Variants in TSPAN2 observed in about 807,000 individuals in gnomAD.
TSPAN2 encodes the protein tetraspanin-2.
A neutral mutation model predicts 33.3 loss-of-function variants in TSPAN2; 24 were observed. The observed-to-expected ratio is 0.72, with a 90% CI of 0.52 to 1.01. The LOEUF (loss-of-function observed/expected upper bound fraction) is 1.01. Among genes scored for constraint, TSPAN2 ranks in the 50% least tolerant of loss-of-function variants. TSPAN2 has a pLI of 0.00. For synonymous variants in TSPAN2, 114 were observed against 104.5 expected (o/e 1.09, Z -0.56); for missense variants, 278 against 281.3 (o/e 0.99, Z 0.08).
chr1:115,074,284 C>T (rs538930942), intron 1 of TSPAN2, among the ~76,000 whole-genome samples: 5 of 152,252 alleles, frequency 3.3e-5, no homozygotes, highest in Admixed American at 1.3e-4. Flanking sequence ...ATAAAGGACC[C>T]GGAACTAGCC....
intron 7 of TSPAN2, 30 bp downstream of exon 7, chr1:115,053,349 C>T (rs376657025): frequency 4.4e-5 from 71 of 1,597,678 alleles, no homozygotes; most frequent in Non-Finnish European, 5.3e-5. Flanking sequence ...TTTTAGAGGG[C>T]AAAAAGGGTA....
At chr1:115,089,273 C>G in intron 1 of TSPAN2, 91 bp downstream of exon 1, 1 of 1,206,454 alleles carries the variant, frequency 8.3e-7, no homozygotes, top group South Asian at 1.5e-5. Flanking sequence ...GAGCGCGACT[C>G]GGACGCCGCA....
chr1:115,067,838 C>T (rs777219204), intron 2 of TSPAN2, among the ~76,000 whole-genome samples: 1 of 152,162 alleles, frequency 6.6e-6, no homozygotes, highest in African/African-American at 2.4e-5. Flanking sequence ...CTCCAGTTTT[C>T]CAAGGGCTGA....
intron 1 of TSPAN2, among the ~76,000 whole-genome samples, chr1:115,077,431 G>A (rs1186374457): frequency 6.6e-6 from 1 of 152,158 alleles, no homozygotes; most frequent in African/African-American, 2.4e-5. Context: ...GTTATAGTAC[G>A]TATTGTCTTG....
intron 2 of TSPAN2, among the ~76,000 whole-genome samples, chr1:115,064,679 A>T (rs905185665): frequency 1.2e-4 from 18 of 152,358 alleles, no homozygotes; most frequent in Middle Eastern, 3.4e-3. Context: ...AATCAGTTCC[A>T]GGCTTGCTGG....
intron 2 of TSPAN2, among the ~76,000 whole-genome samples, chr1:115,069,563 AG>A (rs1425501814): frequency 6.6e-6 from 1 of 152,234 alleles, no homozygotes; most frequent in African/African-American, 2.4e-5. Context: ...ATGGAGCCAA[AG>A]GAAAGCAGGG....
intron 3 of TSPAN2, among the ~76,000 whole-genome samples, chr1:115,061,160 A>T (rs766035715): frequency 6.6e-6 from 1 of 152,246 alleles, no homozygotes; most frequent in Non-Finnish European, 1.5e-5. Flanking sequence ...AATGGCAAAG[A>T]AATAAGTCAG....
At chr1:115,075,039 G>C (rs745640715) in intron 1 of TSPAN2, among the ~76,000 whole-genome samples, 22 of 152,136 alleles carry the variant, frequency 1.4e-4, no homozygotes, top group African/African-American at 5.3e-4. Flanking sequence ...AGCAGCCACC[G>C]AGCAGACTGT....
At chr1:115,061,814 A>G (rs1647734401) in intron 3 of TSPAN2, among the ~76,000 whole-genome samples, 1 of 152,122 alleles carries the variant, frequency 6.6e-6, no homozygotes, top group African/African-American at 2.4e-5. Flanking sequence ...CTGGGACCAC[A>G]GGTGTGTGCC....
intron 2 of TSPAN2, among the ~76,000 whole-genome samples, chr1:115,064,058 GA>G (rs11392514): frequency 2.0e-4 from 30 of 149,350 alleles, no homozygotes; most frequent in Admixed American, 2.7e-4. Flanking sequence ...AGTTGAAAAA[GA>G]AAAAAAAAAG....
intron 3 of TSPAN2, 27 bp from the exon 4 acceptor site, chr1:115,060,565 C>T (rs1307711905): frequency 6.4e-7 from 1 of 1,569,952 alleles, no homozygotes; most frequent in Non-Finnish European, 8.7e-7. Flanking sequence ...ATACTAATTT[C>T]ATTAATTTAA....
intron 1 of TSPAN2, among the ~76,000 whole-genome samples, chr1:115,083,023 G>A (rs187074222): frequency 6.6e-6 from 1 of 152,310 alleles, no homozygotes; most frequent in African/African-American, 2.4e-5. Context: ...TGTTATTTTT[G>A]TTCCCAATCA....
intron 1 of TSPAN2, among the ~76,000 whole-genome samples, chr1:115,087,228 G>GT (rs1298633203): frequency 5.3e-5 from 8 of 152,010 alleles, no homozygotes; most frequent in African/African-American, 1.7e-4. Context: ...CTGAGAATTT[G>GT]TATTTCTGAC....
intron 5 of TSPAN2, among the ~76,000 whole-genome samples, chr1:115,058,604 T>C (rs1287327908): frequency 6.6e-6 from 1 of 152,350 alleles, no homozygotes; most frequent in Non-Finnish European, 1.5e-5. Flanking sequence ...TCTGGGCTCC[T>C]TTCTCTGTAA....
Position 115,089,503 on chromosome 1 carries a change from C to A in TSPAN2, c.-71G>T, listed in dbSNP as rs996630985. 3.5e-6 allele frequency: 3 copies of A among 857,286 alleles called. No homozygotes were observed. Among genetic ancestry groups the A allele is most frequent in the Admixed American group, 4.8e-5 (1 of 20,740 alleles). The allele number at this position is 857,286 out of a possible 1,614,324, so 53.1% of individuals were successfully genotyped here. On this transcript the variant is annotated 5_prime_UTR_variant, in exon 1 of 8. Transcript: ENST00000369516. ...GAGCGCGGGGAGCGGCAGGCTCCGG[C>A]GGGGAGGGGGCGGAGCGGGGAGGAC...
At chr1:115,052,216 C>A (rs1412216480) in intron 7 of TSPAN2, among the ~76,000 whole-genome samples, 1 of 152,174 alleles carries the variant, frequency 6.6e-6, no homozygotes, top group African/African-American at 2.4e-5. Context: ...CAGAGTATTT[C>A]CAGCCACTTC....
At position 115,048,088 on chromosome 1, in the gene TSPAN2, A is replaced by G. The variant is rs1320610445; in HGVS notation, c.*2402T>C. On this transcript the variant is annotated 3_prime_UTR_variant, in exon 8 of 8. Coordinates refer to ENST00000369516, the MANE Select transcript of TSPAN2 (RefSeq NM_005725.6). ...AGAAGTCTTAATTCAGTGCCTTGGC[A>G]TGAGACATTTAAAAGCATGTTTGGG... The G allele has an allele frequency of 6.6e-6, 1 of 151,848 alleles. No individual in the cohort carries two copies. The highest frequency in any genetic ancestry group is 1.9e-4 in the East Asian group (1 of 5,190). The allele number at this position is 151,848 out of a possible 1,614,324, so 9.4% of individuals were successfully genotyped here.
Position 115,072,920 on chromosome 1 carries a change from C to A in TSPAN2, c.157G>T (p.Glu53Ter). The A allele has an allele frequency of 1.2e-6, 2 of 1,613,720 alleles. No homozygotes were observed. The highest frequency in any genetic ancestry group is 1.7e-6 in the Non-Finnish European group (2 of 1,179,626). ...KELSSEDKSPEYFYVGLYVLV... is the reference protein window; with the variant it reads ...KELSSEDKSP ...AGTCACTCACCCACATAGAAATACT[C>A]TGGGGACTTGTCCTCTGATGATAAC... Residue 53 changes from glutamate to a stop codon, truncating the protein, a stop_gained, in exon 2 of 8, where the codon GAG becomes TAG. Transcript: ENST00000369516. LOFTEE classifies it high-confidence loss of function.
chr1:115,052,029 CAG>C (rs1203399267), intron 7 of TSPAN2, among the ~76,000 whole-genome samples: 1 of 152,214 alleles, frequency 6.6e-6, no homozygotes, highest in Non-Finnish European at 1.5e-5. Context: ...CGACACGAGT[CAG>C]GGGTGAATGC....
Sources: gnomAD v4.1 joint callset for allele counts (sites outside exome capture counted in the v4.1 genomes callset) on GRCh38, gnomAD v4.1.1 for gene constraint, MANE v1.5 for transcripts, NCBI Gene and HGNC (gene_info 2026-07-23, HGNC 2026-07-21) for gene names.